The following EIF3H variants were observed in gnomAD, a reference collection of about 807,000 sequenced individuals.
The protein encoded by EIF3H is eIF-3-gamma.
EIF3H carries 26 observed loss-of-function variants against 44.2 expected under a neutral mutation model. The observed-to-expected ratio is 0.59, with a 90% CI of 0.43 to 0.82. The LOEUF (loss-of-function observed/expected upper bound fraction) is 0.82. EIF3H is among the 40% of genes least tolerant of loss of function. The pLI is 0.00. For synonymous variants in EIF3H, 166 were observed against 151.9 expected (o/e 1.09, Z -0.68); for missense variants, 359 against 432.8 (o/e 0.83, Z 1.51).
chr8:116,651,267 G>A (rs369440779), intron 5 of EIF3H, among the ~76,000 whole-genome samples: 2 of 152,324 alleles, frequency 1.3e-5, no homozygotes, highest in East Asian at 3.9e-4. Context: ...GAGCAGAAAT[G>A]AGAGAGATTC....
chr8:116,752,100 G>T (rs371189024), intron 1 of EIF3H, among the ~76,000 whole-genome samples: 7 of 152,318 alleles, frequency 4.6e-5, no homozygotes, highest in East Asian at 1.9e-4. Context: ...GTGATTGACT[G>T]GGGTCACACA....
chr8:116,753,339 G>A (rs1395192548), intron 1 of EIF3H, among the ~76,000 whole-genome samples: 1 of 152,002 alleles, frequency 6.6e-6, no homozygotes, highest in Admixed American at 6.6e-5. Context: ...TAACTCTCAA[G>A]TAAAATAATC....
At chr8:116,715,876 T>C (rs1814652215) in intron 2 of EIF3H, among the ~76,000 whole-genome samples, 1 of 144,194 alleles carries the variant, frequency 6.9e-6, no homozygotes, top group African/African-American at 2.4e-5. Context: ...ATGGGAATTT[T>C]AGTATGAGTT....
intron 2 of EIF3H, among the ~76,000 whole-genome samples, chr8:116,705,942 C>A (rs1814462017): frequency 6.7e-6 from 1 of 149,294 alleles, no homozygotes; most frequent in Non-Finnish European, 1.5e-5. Context: ...AAAATTATTC[C>A]AAAACAAAAA....
intron 1 of EIF3H, among the ~76,000 whole-genome samples, chr8:116,733,466 C>T (rs1814983715): frequency 6.6e-6 from 1 of 152,162 alleles, no homozygotes; most frequent in Admixed American, 6.5e-5. Context: ...TTAGCATTAA[C>T]TCAGGTGTGA....
intron 2 of EIF3H, among the ~76,000 whole-genome samples, chr8:116,688,065 T>C (rs927606186): frequency 2.6e-5 from 4 of 152,140 alleles, no homozygotes; most frequent in African/African-American, 7.2e-5. Context: ...ATAATTTCCT[T>C]CACTTATGTA....
chr8:116,735,272 C>A (rs1815015114), intron 1 of EIF3H, among the ~76,000 whole-genome samples: 1 of 152,198 alleles, frequency 6.6e-6, no homozygotes, highest in Non-Finnish European at 1.5e-5. Flanking sequence ...TTGAACTTGG[C>A]TGAGCCACGA....
At chr8:116,646,394 G>C in intron 7 of EIF3H, 77 bp downstream of exon 7, 1 of 1,600,600 alleles carries the variant, frequency 6.2e-7, no homozygotes, top group Non-Finnish European at 8.6e-7. Context: ...ATGCTTTTCT[G>C]TTTGTAAATT....
At chr8:116,674,372 C>A (rs1020850771) in intron 2 of EIF3H, among the ~76,000 whole-genome samples, 1 of 151,658 alleles carries the variant, frequency 6.6e-6, no homozygotes, top group African/African-American at 2.4e-5. Context: ...CTGTTCCCAG[C>A]AAACGAAGTA....
intron 2 of EIF3H, among the ~76,000 whole-genome samples, chr8:116,721,166 G>C (rs996693882): frequency 6.6e-6 from 1 of 152,088 alleles, no homozygotes; most frequent in Non-Finnish European, 1.5e-5. Context: ...TGTAGCCTAG[G>C]GACTTGGTGG....
intron 2 of EIF3H, among the ~76,000 whole-genome samples, chr8:116,664,006 T>C (rs982878728): frequency 2.0e-5 from 3 of 151,680 alleles, no homozygotes; most frequent in Non-Finnish European, 4.4e-5. Flanking sequence ...AAAGCCACAC[T>C]TGGATGCAGT....
At chr8:116,661,778 C>T (rs887911961) in intron 2 of EIF3H, among the ~76,000 whole-genome samples, 3 of 152,306 alleles carry the variant, frequency 2.0e-5, no homozygotes, top group East Asian at 1.9e-4. Context: ...AGATCCATAG[C>T]AAACTTCCAA....
chr8:116,679,778 G>A (rs1361802445), intron 2 of EIF3H, among the ~76,000 whole-genome samples: 2 of 13,514 alleles, frequency 1.5e-4, no homozygotes, highest in East Asian at 1.2e-3. Flanking sequence ...TCAGCCCCCC[G>A]CCCGGCCAGC....
chr8:116,646,547 C>A lies in EIF3H; in HGVS notation c.885G>T (p.Pro295=). Residue 295 remains proline (P), a synonymous_variant, in exon 7 of 8, where the codon CCG becomes CCT. Transcript: ENST00000521861. ...NMQRQSRGEP[P]LPEEDLSKLF... ...GTTTGGACAGGTCCTCCTCAGGGAG[C>A]GGGGGTTCTCCTCGGCTCTGGCGCT... 1 of 1,614,120 alleles carries A rather than the reference C, an allele frequency of 6.2e-7. No homozygotes were observed. Among genetic ancestry groups the A allele is most frequent in the Admixed American group, 1.7e-5 (1 of 60,014 alleles).
At chr8:116,722,667 T>C (rs1814770164) in intron 2 of EIF3H, among the ~76,000 whole-genome samples, 1 of 152,170 alleles carries the variant, frequency 6.6e-6, no homozygotes, top group South Asian at 2.1e-4. Flanking sequence ...CTAACCCAAG[T>C]GAAGAAGCAG....
At chr8:116,694,660 G>A (rs1401375823) in intron 2 of EIF3H, among the ~76,000 whole-genome samples, 1 of 152,174 alleles carries the variant, frequency 6.6e-6, no homozygotes, top group Non-Finnish European at 1.5e-5. Context: ...TCACACTGCG[G>A]TGAAATCATT....
Position 116,710,745 on chromosome 8 carries a change from T to A in EIF3H, c.289+15271A>T, listed in dbSNP as rs1814560185. Among the ~76,000 whole-genome samples, 7 of 152,344 alleles carry A rather than the reference T, an allele frequency of 4.6e-5. No homozygotes were observed. The South Asian group carries it at 1.4e-3, about 32-fold the overall frequency. ...AAATTGTGATGGATTATATATTAGA[T>A]GGGCATACTGGGTTTTCTGGTTCTG... On this transcript the variant is annotated intron_variant, in intron 2 of 7. Transcript: ENST00000521861.
At chr8:116,677,338 T>C (rs1180933860) in intron 2 of EIF3H, among the ~76,000 whole-genome samples, 1 of 152,230 alleles carries the variant, frequency 6.6e-6, no homozygotes. Context: ...CTAAAACATG[T>C]AATTTTCACC....
At chr8:116,743,134 G>A (rs756027272) in intron 1 of EIF3H, among the ~76,000 whole-genome samples, 83 of 152,204 alleles carry the variant, frequency 5.5e-4, no homozygotes, top group Non-Finnish European at 9.1e-4. Flanking sequence ...ACAAGCCCTC[G>A]TTTGGAGGAT....
Sources: gnomAD v4.1 joint callset for allele counts (sites outside exome capture counted in the v4.1 genomes callset) on GRCh38, gnomAD v4.1.1 for gene constraint, MANE v1.5 for transcripts, NCBI Gene and HGNC (gene_info 2026-07-23, HGNC 2026-07-21) for gene names.